The following TNC variants were observed in gnomAD, a reference collection of about 807,000 sequenced individuals.
TNC encodes tenascin C, also known as tenascin.
In TNC, 109 loss-of-function variants were observed where a neutral mutation model predicts 202.4. That is an observed-to-expected ratio of 0.54 (90% CI 0.46 to 0.63). TNC has a LOEUF of 0.63. Among genes scored for constraint, TNC ranks in the 30% least tolerant of loss-of-function variants. TNC has a pLI of 0.00. For synonymous variants in TNC, 1,007 were observed against 1,089.7 expected (o/e 0.92, Z 1.50); for missense variants, 2,756 against 2,833.3 (o/e 0.97, Z 0.62).
At position 115,075,784 on chromosome 9, in the gene TNC, A is replaced by C. The variant is rs143101372; in HGVS notation, c.2950+248T>G. On this transcript the variant is annotated intron_variant, in intron 9 of 27. Coordinates refer to ENST00000350763, the MANE Select transcript of TNC (RefSeq NM_002160.4). ...TGGTGGCAGAGCGATACTCCATCTC[A>C]ACAACAACAACAACAACAAACACAA... 5.9e-5 allele frequency among the ~76,000 whole-genome samples: 9 copies of C among 151,850 alleles called. No individual in the cohort carries two copies. In the East Asian group the frequency reaches 1.8e-3, roughly 30 times the overall value.
At chr9:115,059,694 C>A in intron 14 of TNC, 36 bp downstream of exon 14, 2 of 1,540,718 alleles carry the variant, frequency 1.3e-6, no homozygotes, top group Non-Finnish European at 1.7e-6. Flanking sequence ...AAGCAAAGAA[C>A]CTTGGGGAGA....
Position 115,020,669 on chromosome 9 carries a change from TC to T in TNC, c.*487del. The T allele has an allele frequency of 2.9e-6, 1 of 350,362 alleles. No homozygotes were observed. 21.7% of individuals were successfully genotyped at this position (350,362 alleles called of 1,614,324 possible). ...ATCATTATTATATTAATAATATTAATCATATCCTTAAAATGGAAACAGTATT... is the reference window on the plus strand; with the variant it reads ...ATCATTATTATATTAATAATATTAATATATCCTTAAAATGGAAACAGTATT... On this transcript the variant is annotated 3_prime_UTR_variant, in exon 28 of 28. Transcript: ENST00000350763.
chr9:115,057,126 G>A (rs767030209), intron 15 of TNC, 27 bp downstream of exon 15: 141 of 1,589,260 alleles, frequency 8.9e-5, no homozygotes, highest in Middle Eastern at 1.7e-4. Flanking sequence ...GAGAGAGTGC[G>A]TTAGAAATGG....
At chr9:115,090,117 T>A (rs976553018) in intron 2 of TNC, among the ~76,000 whole-genome samples, 2 of 152,192 alleles carry the variant, frequency 1.3e-5, no homozygotes, top group African/African-American at 4.8e-5. Context: ...TTGGAGGACC[T>A]TCAGGAATCC....
chr9:115,049,615 C>T lies in TNC; in HGVS notation c.4580-1083G>A, dbSNP rs141771491. Among the ~76,000 whole-genome samples, 179 of 151,936 alleles carry T rather than the reference C, an allele frequency of 1.2e-3. 1 individual carries two copies. Among genetic ancestry groups the T allele is most frequent in the Non-Finnish European group, 1.4e-3 (95 of 67,970 alleles). On this transcript the variant is annotated intron_variant, in intron 15 of 27. Transcript: ENST00000350763. ...AGGAGGATTAGTGGAGAAGGTTCAG[C>T]GTCTCTTTTCTAGGTGTTTTTTCTT...
At chr9:115,076,294 T>C (rs1023590398) in intron 8 of TNC, 96 bp downstream of exon 8, 17 of 1,479,194 alleles carry the variant, frequency 1.1e-5, no homozygotes, top group Non-Finnish European at 1.5e-5. Context: ...GACTTATTTC[T>C]GAGGGTTGCA....
intron 1 of TNC, among the ~76,000 whole-genome samples, chr9:115,101,831 G>T (rs1333378599): frequency 6.6e-6 from 1 of 152,052 alleles, no homozygotes; most frequent in Non-Finnish European, 1.5e-5. Flanking sequence ...AGTTCATGGG[G>T]GGCTTCCTAG....
chr9:115,085,804 C>G, intron 3 of TNC, 60 bp downstream of exon 3: 2 of 1,470,666 alleles, frequency 1.4e-6, no homozygotes, highest in Non-Finnish European at 1.8e-6. Flanking sequence ...GTTTTCCAAC[C>G]CATACTAGGA....
At chr9:115,098,442 C>T (rs1217592349) in intron 1 of TNC, among the ~76,000 whole-genome samples, 1 of 152,166 alleles carries the variant, frequency 6.6e-6, no homozygotes, top group Non-Finnish European at 1.5e-5. Context: ...TTTTGGGCAC[C>T]TCACTGCAGG....
chr9:115,028,890 C>T (rs369679543), intron 25 of TNC, among the ~76,000 whole-genome samples: 29 of 137,178 alleles, frequency 2.1e-4, no homozygotes, highest in African/African-American at 7.1e-4. Flanking sequence ...CCCACTTTTC[C>T]CCTTTAAATA....
intron 15 of TNC, among the ~76,000 whole-genome samples, chr9:115,054,461 G>A (rs1370397247): frequency 1.3e-5 from 2 of 152,102 alleles, no homozygotes; most frequent in Non-Finnish European, 2.9e-5. Context: ...CCTATATTTT[G>A]CTGTAGAAAC....
chr9:115,094,166 G>C (rs1210363276), intron 1 of TNC, among the ~76,000 whole-genome samples: 2 of 152,166 alleles, frequency 1.3e-5, no homozygotes, highest in Non-Finnish European at 1.5e-5. Context: ...TGTCAAGCTC[G>C]TAGTAGGCAC....
Position 115,078,542 on chromosome 9 carries a change from C to G in TNC, c.2405-330G>C, listed in dbSNP as rs1438311185. Among the ~76,000 whole-genome samples, 3 of 150,716 alleles carry G rather than the reference C, an allele frequency of 2.0e-5. No homozygotes were observed. In the South Asian group the frequency reaches 6.3e-4, roughly 32 times the overall value. Reference sequence around the variant, plus strand: ...TTATTATTATTATTATTACTGTTCTCATAAGTTGAGGAAACATGCTTTGGG... The same window carrying G: ...TTATTATTATTATTATTACTGTTCTGATAAGTTGAGGAAACATGCTTTGGG... On this transcript the variant is annotated intron_variant, in intron 6 of 27. Transcript: ENST00000350763.
intron 15 of TNC, among the ~76,000 whole-genome samples, chr9:115,056,063 C>T (rs1289493270): frequency 6.6e-5 from 10 of 152,096 alleles, no homozygotes; most frequent in Admixed American, 5.9e-4. Flanking sequence ...GAGGACAGAC[C>T]CTCTCTCAAC....
chr9:115,027,062 T>C (rs1238552961), intron 25 of TNC, among the ~76,000 whole-genome samples: 1 of 150,734 alleles, frequency 6.6e-6, no homozygotes, highest in African/African-American at 2.4e-5. Context: ...AGAGCTGAGA[T>C]TGTGCCACTG....
At position 115,086,864 on chromosome 9, in the gene TNC, G is replaced by A. The variant is rs753278022; in HGVS notation, c.867C>T (p.Tyr289=). Residue 289 remains tyrosine (Y), a synonymous_variant, in exon 3 of 28, where the codon TAC becomes TAT. Transcript: ENST00000350763. ...CATTCTCCACGCATCGTCCACGGTTGTAGCAATTGTTGAGACACAGAGGCT... is the reference window on the plus strand; with the variant it reads ...CATTCTCCACGCATCGTCCACGGTTATAGCAATTGTTGAGACACAGAGGCT... ...CNKPLCLNNC[Y]NRGRCVENEC... is the part of the protein sequence containing the mutation. 1.5e-5 allele frequency: 25 copies of A among 1,614,098 alleles called. No individual in the cohort carries two copies. Among genetic ancestry groups the A allele is most frequent in the Non-Finnish European group, 2.0e-5 (24 of 1,180,060 alleles).
intron 1 of TNC, among the ~76,000 whole-genome samples, chr9:115,096,499 AGC>A (rs1835804016): frequency 6.6e-6 from 1 of 152,168 alleles, no homozygotes; most frequent in East Asian, 1.9e-4. Context: ...GTTTTTACTA[AGC>A]GCATGGTACA....
chr9:115,065,635 C>G (rs1832890791), intron 10 of TNC, among the ~76,000 whole-genome samples: 1 of 152,042 alleles, frequency 6.6e-6, no homozygotes, highest in Admixed American at 6.5e-5. Context: ...AGACAATTGG[C>G]TCTTCTTAGA....
Position 115,046,341 on chromosome 9 carries a change from C to T in TNC, c.5125+69G>A, listed in dbSNP as rs1050663733. 8.5e-5 allele frequency: 133 copies of T among 1,560,090 alleles called. 1 individual carries two copies. In the Middle Eastern group the frequency reaches 1.4e-3, roughly 16 times the overall value. ...CCTGCATCCAAAGCTCCTGTGATTA[C>T]TCAGCCCTGTGAGAAGAAGACCCCT... On this transcript the variant is annotated intron_variant, in intron 17 of 27. Transcript: ENST00000350763.
Sources: gnomAD v4.1 joint callset for allele counts (sites outside exome capture counted in the v4.1 genomes callset) on GRCh38, gnomAD v4.1.1 for gene constraint, MANE v1.5 for transcripts, NCBI Gene and HGNC (gene_info 2026-07-23, HGNC 2026-07-21) for gene names.